Variants in GLDN observed in about 807,000 individuals in gnomAD.
The protein encoded by GLDN is gliomedin.
In GLDN, 47 loss-of-function variants were observed where a neutral mutation model predicts 56.5. That is an observed-to-expected ratio of 0.83 (90% CI 0.66 to 1.06). The LOEUF is 1.06. Ranked by LOEUF, GLDN falls within the 50% of genes least tolerant of loss-of-function variation. The pLI, the probability that GLDN is intolerant of heterozygous loss-of-function variation, is 0.00. For synonymous variants in GLDN, 332 were observed against 278.8 expected (o/e 1.19, Z -1.90); for missense variants, 782 against 714.3 (o/e 1.09, Z -1.08).
Position 51,401,454 on chromosome 15 carries a change from G to A in GLDN, c.1028-139G>A, listed in dbSNP as rs1295045417. 5 of 724,276 alleles carry A rather than the reference G, an allele frequency of 6.9e-6. No homozygotes were observed. In the African/African-American group the frequency reaches 7.1e-5, roughly 10 times the overall value. The allele number at this position is 724,276 out of a possible 1,614,324, so 44.9% of individuals were successfully genotyped here. ...TTGGACTTTGAGCTTGGGAGTCTTA[G>A]ACTCTTCACACTGGACAAGGGACCT... is the stretch of plus-strand genomic sequence containing the variant. On this transcript the variant is annotated intron_variant, in intron 8 of 9. Transcript: ENST00000335449.
chr15:51,404,211 C>G, intron 9 of GLDN, 66 bp from the exon 10 acceptor site: 5 of 1,242,208 alleles, frequency 4.0e-6, no homozygotes, highest in South Asian at 1.4e-5. Flanking sequence ...AATAGAGGAG[C>G]CTAATAAACC....
At chr15:51,391,799 G>A (rs1566948850) in intron 4 of GLDN, among the ~76,000 whole-genome samples, 1 of 152,188 alleles carries the variant, frequency 6.6e-6, no homozygotes, top group South Asian at 2.1e-4. Context: ...CAGTGGAGGG[G>A]CCCCCTGCTC....
chr15:51,380,953 T>C lies in GLDN; in HGVS notation c.416-2483T>C, dbSNP rs116688654. On this transcript the variant is annotated intron_variant, in intron 2 of 9. Transcript: ENST00000335449. ...CCACCTCCATTCCAGTCATCTATGA[T>C]GCTCGGATAAAAATGCAGATTATTG... Among the ~76,000 whole-genome samples, 758 of 152,352 alleles carry C rather than the reference T, an allele frequency of 5.0e-3. 7 individuals are homozygous for C. Among genetic ancestry groups the C allele is most frequent in the African/African-American group, 0.017 (713 of 41,580 alleles).
At chr15:51,350,052 T>G (rs542920615) in intron 1 of GLDN, among the ~76,000 whole-genome samples, 4 of 152,128 alleles carry the variant, frequency 2.6e-5, no homozygotes, top group African/African-American at 7.2e-5. Flanking sequence ...CTAGGGTTGA[T>G]TCTTAGTAGC....
At chr15:51,394,007 G>A (rs2038073189) in intron 4 of GLDN, among the ~76,000 whole-genome samples, 1 of 152,190 alleles carries the variant, frequency 6.6e-6, no homozygotes, top group South Asian at 2.1e-4. Flanking sequence ...AAAGGGCATT[G>A]GAGATGGAAT....
At chr15:51,365,162 T>G (rs1023771323) in intron 1 of GLDN, among the ~76,000 whole-genome samples, 3 of 152,262 alleles carry the variant, frequency 2.0e-5, no homozygotes, top group Non-Finnish European at 2.9e-5. Flanking sequence ...CAACTCTTGA[T>G]GGATTGGACC....
At chr15:51,396,800 G>A (rs773077536) in intron 5 of GLDN, among the ~76,000 whole-genome samples, 5 of 152,134 alleles carry the variant, frequency 3.3e-5, no homozygotes, top group East Asian at 1.9e-4. Context: ...ACTGTGCTTC[G>A]ACCCACGTAT....
intron 1 of GLDN, among the ~76,000 whole-genome samples, chr15:51,343,364 C>A (rs2036920384): frequency 6.8e-6 from 1 of 148,122 alleles, no homozygotes. Context: ...ATGAAAAAAA[C>A]CTCCTTAGGG....
Position 51,401,738 on chromosome 15 carries a change from A to C in GLDN, c.1173A>C (p.Leu391=), listed in dbSNP as rs1363001719. Residue 391 remains leucine, a synonymous_variant, in exon 9 of 10, where the codon CTA becomes CTC. Coordinates refer to ENST00000335449, the MANE Select transcript of GLDN (RefSeq NM_181789.4). The part of the protein sequence containing the change: ...LYYHKGGSNT[L]VRFEFGQETS... ...ACCACAAAGGGGGTTCTAATACCCT[A>C]GTGAGGTAAGTCGCACCACAGCACC... The C allele has an allele frequency of 1.2e-6, 2 of 1,613,222 alleles. No individual in the cohort carries two copies. The highest frequency in any genetic ancestry group is 2.2e-5 in the South Asian group (2 of 90,928).
chr15:51,381,990 C>T (rs1291547980), intron 2 of GLDN, among the ~76,000 whole-genome samples: 1 of 152,188 alleles, frequency 6.6e-6, no homozygotes, highest in Non-Finnish European at 1.5e-5. Flanking sequence ...CATTCAAGTG[C>T]TTCTGCCACC....
At chr15:51,380,710 ACTCT>A (rs763777458) in intron 2 of GLDN, among the ~76,000 whole-genome samples, 1 of 151,102 alleles carries the variant, frequency 6.6e-6, no homozygotes, top group Non-Finnish European at 1.5e-5. Context: ...TCTTCTGACA[ACTCT>A]CTCTTTCCTG....
intron 2 of GLDN, among the ~76,000 whole-genome samples, chr15:51,382,177 C>T (rs2037777563): frequency 6.6e-6 from 1 of 152,190 alleles, no homozygotes; most frequent in African/African-American, 2.4e-5. Context: ...AATGTCGTGG[C>T]TCCAGGATCA....
intron 6 of GLDN, among the ~76,000 whole-genome samples, chr15:51,399,629 A>G (rs1264166544): frequency 6.6e-6 from 1 of 152,166 alleles, no homozygotes; most frequent in African/African-American, 2.4e-5. Context: ...AATGGTCATG[A>G]GGGGACTCCC....
intron 2 of GLDN, among the ~76,000 whole-genome samples, chr15:51,377,899 C>A (rs1053987677): frequency 6.6e-6 from 1 of 152,128 alleles, no homozygotes; most frequent in Non-Finnish European, 1.5e-5. Context: ...CTAGATGTTG[C>A]GGAGTGCTAG....
chr15:51,352,802 T>G (rs1458928), intron 1 of GLDN, among the ~76,000 whole-genome samples: 45,868 of 152,108 alleles, frequency 0.3, 8,900 homozygotes, highest in African/African-American at 0.53. Context: ...CCTCCAAGCT[T>G]CCCTCGTTCT....
chr15:51,367,226 G>A (rs1377029661), intron 1 of GLDN, among the ~76,000 whole-genome samples: 1 of 152,188 alleles, frequency 6.6e-6, no homozygotes, highest in Non-Finnish European at 1.5e-5. Flanking sequence ...CTCCTTCGGG[G>A]ACTTCAGGCA....
chr15:51,360,566 C>T (rs922281413), intron 1 of GLDN: 5 of 152,334 alleles, frequency 3.3e-5, no homozygotes, highest in Non-Finnish European at 7.3e-5. Flanking sequence ...GGCCAGGAAA[C>T]TAACTTCCTC....
At chr15:51,350,927 G>C (rs2470163) in intron 1 of GLDN, among the ~76,000 whole-genome samples, 45,840 of 152,032 alleles carry the variant, frequency 0.3, 8,898 homozygotes, top group African/African-American at 0.53. Context: ...CTCTTTCTAT[G>C]CAAAGCAGCA....
intron 1 of GLDN, among the ~76,000 whole-genome samples, chr15:51,342,336 A>G (rs1342469776): frequency 2.0e-5 from 3 of 152,256 alleles, no homozygotes; most frequent in East Asian, 3.9e-4. Context: ...CTAAGAGCCT[A>G]TTTTCCTTCT....
Sources: gnomAD v4.1 joint callset for allele counts (sites outside exome capture counted in the v4.1 genomes callset) on GRCh38, gnomAD v4.1.1 for gene constraint, MANE v1.5 for transcripts, NCBI Gene and HGNC (gene_info 2026-07-23, HGNC 2026-07-21) for gene names.